The following SCHIP1 variants were observed in gnomAD, a reference collection of about 807,000 sequenced individuals.
SCHIP1 encodes the protein schwannomin interacting protein 1.
A neutral mutation model predicts 29.7 loss-of-function variants in SCHIP1; 8 were observed. The ratio of observed to expected loss-of-function variants is 0.27; its 90% CI spans 0.16 to 0.49. The LOEUF is 0.49. Among genes scored for constraint, SCHIP1 ranks in the 20% least tolerant of loss-of-function variants. The pLI, the probability that SCHIP1 is intolerant of heterozygous loss-of-function variation, is 0.99. For missense variants in SCHIP1, 193 were observed against 294.6 expected, an observed-to-expected ratio of 0.66 and a Z score of 2.52; for synonymous variants, 76 against 94.9, an observed-to-expected ratio of 0.80 and a Z score of 1.16.
chr3:159,407,754 T>C, the SCHIP1 span, among the ~76,000 whole-genome samples: 898 of 152,222 alleles, frequency 5.9e-3, 28 homozygotes, highest in Admixed American at 0.053. Context: ...TACAAACACA[T>C]TGAAATCAAA....
the SCHIP1 span, among the ~76,000 whole-genome samples, chr3:159,490,608 A>G: frequency 2.6e-5 from 4 of 152,322 alleles, no homozygotes; most frequent in South Asian, 8.3e-4. Flanking sequence ...ACACAAACAT[A>G]CAGTGGAGAA....
chr3:159,370,437 C>T, the SCHIP1 span, among the ~76,000 whole-genome samples: 66 of 152,280 alleles, frequency 4.3e-4, no homozygotes, highest in East Asian at 3.1e-3. Context: ...TTCTCCATGG[C>T]GCTAATAACC....
chr3:159,403,945 A>T, the SCHIP1 span, among the ~76,000 whole-genome samples: 1 of 152,198 alleles, frequency 6.6e-6, no homozygotes, highest in Non-Finnish European at 1.5e-5. Flanking sequence ...GCTCAGCCAC[A>T]GTAGAATAGG....
the SCHIP1 span, among the ~76,000 whole-genome samples, chr3:159,774,922 T>C: frequency 1.3e-5 from 2 of 152,014 alleles, no homozygotes; most frequent in African/African-American, 4.9e-5. Flanking sequence ...GGCTTATCCA[T>C]CATCAGCAAT....
the SCHIP1 span, among the ~76,000 whole-genome samples, chr3:159,538,355 TGTTA>T: frequency 1.3e-5 from 2 of 152,176 alleles, no homozygotes; most frequent in African/African-American, 4.8e-5. Flanking sequence ...TTATTCCCCT[TGTTA>T]TTTTCCTTAC....
the SCHIP1 span, among the ~76,000 whole-genome samples, chr3:159,777,458 A>G: frequency 6.6e-6 from 1 of 152,198 alleles, no homozygotes; most frequent in Non-Finnish European, 1.5e-5. Context: ...CCAAAGGAAA[A>G]AAACAAGACC....
chr3:159,477,630 G>A, the SCHIP1 span, among the ~76,000 whole-genome samples: 1 of 152,048 alleles, frequency 6.6e-6, no homozygotes, highest in Admixed American at 6.6e-5. Context: ...CTTTAACTGT[G>A]TTATTTTTCT....
At chr3:159,643,655 G>C in the SCHIP1 span, among the ~76,000 whole-genome samples, 1 of 152,100 alleles carries the variant, frequency 6.6e-6, no homozygotes, top group African/African-American at 2.4e-5. Context: ...TAATGTCCTT[G>C]ACTATTTGCA....
chr3:159,782,853 G>A, the SCHIP1 span, among the ~76,000 whole-genome samples: 1 of 152,342 alleles, frequency 6.6e-6, no homozygotes, highest in African/African-American at 2.4e-5. Context: ...GCCTTGCTGT[G>A]ATGGGCATGA....
chr3:159,348,813 G>A, the SCHIP1 span, among the ~76,000 whole-genome samples: 1 of 152,118 alleles, frequency 6.6e-6, no homozygotes, highest in Non-Finnish European at 1.5e-5. Context: ...GCAATTGCAA[G>A]GAAATTACTA....
the SCHIP1 span, among the ~76,000 whole-genome samples, chr3:159,577,628 T>C: frequency 6.6e-6 from 1 of 152,194 alleles, no homozygotes; most frequent in East Asian, 1.9e-4. Context: ...TGGAAAATCA[T>C]CAGGCAATTT....
the SCHIP1 span, among the ~76,000 whole-genome samples, chr3:159,359,931 G>A: frequency 2.0e-5 from 3 of 152,284 alleles, no homozygotes; most frequent in African/African-American, 7.2e-5. Flanking sequence ...TGAAAACAGC[G>A]ACCCATAGGT....
chr3:159,624,800 C>T, the SCHIP1 span, among the ~76,000 whole-genome samples: 22 of 152,104 alleles, frequency 1.4e-4, no homozygotes, highest in African/African-American at 3.6e-4. Flanking sequence ...AGCCTTCCAA[C>T]GAAAAGGTTG....
chr3:159,398,966 G>T, the SCHIP1 span: 2 of 983,632 alleles, frequency 2.0e-6, no homozygotes, highest in Non-Finnish European at 1.2e-6. Flanking sequence ...TGGGCAATTT[G>T]CCCAGTCTAC....
At chr3:159,862,182 GGAA>G (rs1458622739) in intron 1 of SCHIP1, among the ~76,000 whole-genome samples, 1 of 152,090 alleles carries the variant, frequency 6.6e-6, no homozygotes, top group Non-Finnish European at 1.5e-5. Context: ...TCCATCTCAG[GGAA>G]GAAGTAGACC....
the SCHIP1 span, among the ~76,000 whole-genome samples, chr3:159,493,756 T>G: frequency 2.0e-5 from 3 of 152,106 alleles, no homozygotes. Context: ...GCGGACCTAA[T>G]AGACATCCAC....
At chr3:159,399,937 C>G in the SCHIP1 span, among the ~76,000 whole-genome samples, 3 of 152,116 alleles carry the variant, frequency 2.0e-5, no homozygotes, top group African/African-American at 7.2e-5. Flanking sequence ...CTTGGCCTCC[C>G]GAAGTGCTGA....
At chr3:159,820,079 A>G in the SCHIP1 span, among the ~76,000 whole-genome samples, 1 of 152,170 alleles carries the variant, frequency 6.6e-6, no homozygotes, top group Non-Finnish European at 1.5e-5. Flanking sequence ...ATAGACTTGA[A>G]TGAAAGCTGT....
the SCHIP1 span, among the ~76,000 whole-genome samples, chr3:159,343,102 A>G: frequency 3.9e-5 from 6 of 152,178 alleles, no homozygotes; most frequent in Non-Finnish European, 8.8e-5. Context: ...ATAATACGCT[A>G]TGAAATAAGC....
Sources: allele counts gnomAD v4.1 joint callset (sites outside exome capture counted in the v4.1 genomes callset), GRCh38; gene constraint gnomAD v4.1.1; transcripts MANE v1.5; gene names NCBI Gene and HGNC (gene_info 2026-07-23, HGNC 2026-07-21).